Variants in DHX15 observed in about 807,000 individuals in gnomAD.
DHX15 encodes the protein DEAH-box helicase 15.
In DHX15, 11 loss-of-function variants were observed where a neutral mutation model predicts 94.4. That is an observed-to-expected ratio of 0.12 (90% CI 0.07 to 0.19). The LOEUF is 0.19. Among genes scored for constraint, DHX15 ranks in the 10% least tolerant of loss-of-function variants. The probability of loss-of-function intolerance (pLI) is 1.00; values close to 1 mark genes in which losing one functional copy is unlikely to be tolerated. For synonymous variants in DHX15, 338 were observed against 329.9 expected (o/e 1.02, Z -0.27); for missense variants, 304 against 988.5 (o/e 0.31, Z 9.29).
chr4:24,578,609 T>C (rs1215130122), intron 1 of DHX15, among the ~76,000 whole-genome samples: 2 of 152,128 alleles, frequency 1.3e-5, no homozygotes, highest in African/African-American at 4.8e-5. Context: ...TTACCCGGGT[T>C]GGAGTGCAGT....
intron 6 of DHX15, among the ~76,000 whole-genome samples, chr4:24,547,745 G>GT (rs1721455739): frequency 2.0e-5 from 3 of 149,928 alleles, no homozygotes; most frequent in South Asian, 2.1e-4. Context: ...GAACCCAGGA[G>GT]TTTAAGACCA....
chr4:24,528,907 A>C (rs1000173526), intron 13 of DHX15, among the ~76,000 whole-genome samples: 3 of 151,170 alleles, frequency 2.0e-5, no homozygotes, highest in Non-Finnish European at 4.4e-5. Flanking sequence ...AAAAAACAAA[A>C]CAAAACAAAA....
rs1577329321 is a variant in DHX15 at position 24,527,682 on chromosome 4, T to C, written c.*242A>G. 5 of 422,254 alleles carry C rather than the reference T, an allele frequency of 1.2e-5. No homozygotes were observed. In the East Asian group the frequency reaches 1.8e-4, roughly 15 times the overall value. The allele number at this position is 422,254 out of a possible 1,614,324, so 26.2% of individuals were successfully genotyped here. A position where few individuals can be genotyped will look rare whatever the true frequency, so the allele number is the denominator to read the frequency against. On this transcript the variant is annotated 3_prime_UTR_variant, in exon 14 of 14. Coordinates refer to ENST00000336812, the MANE Select transcript of DHX15 (RefSeq NM_001358.3). ...CTTATAACATTGTTATATATAGAACTACTTTCAATAAACTGCAAAACATTG... is the reference window on the plus strand; with the variant it reads ...CTTATAACATTGTTATATATAGAACCACTTTCAATAAACTGCAAAACATTG...
intron 6 of DHX15, among the ~76,000 whole-genome samples, chr4:24,547,482 G>A (rs1234245576): frequency 6.6e-6 from 1 of 152,086 alleles, no homozygotes; most frequent in Non-Finnish European, 1.5e-5. Context: ...TAGTAAATAT[G>A]GGCCCATATA....
Position 24,576,416 on chromosome 4 carries a change from G to A in DHX15, c.334C>T (p.Pro112Ser), listed in dbSNP as rs575114458. The A allele has an allele frequency of 1.9e-6, 3 of 1,614,190 alleles. No individual in the cohort carries two copies. In the South Asian group the frequency reaches 3.3e-5, roughly 18 times the overall value. Residue 112 changes from proline to serine, a missense_variant, in exon 2 of 14, where the codon CCA becomes TCA. This residue lies in a region of DHX15 where 143 missense variants were observed against 200.5 expected (regional missense o/e 0.71). Transcript: ENST00000336812. ...TTGGTGAACGGATTAATGCACTGTG[G>A]AAGTGACGTGTGACCTGCATGTCCG... ...HAGHAGHTSL[P>S]QCINPFTNLP...
At chr4:24,561,433 T>C (rs916075169) in intron 3 of DHX15, among the ~76,000 whole-genome samples, 2 of 152,194 alleles carry the variant, frequency 1.3e-5, no homozygotes, top group African/African-American at 4.8e-5. Context: ...GAATTACCAG[T>C]TGACCCAGCA....
At chr4:24,536,328 C>T (rs981131789) in intron 11 of DHX15, among the ~76,000 whole-genome samples, 3 of 152,052 alleles carry the variant, frequency 2.0e-5, no homozygotes, top group Middle Eastern at 3.2e-3. Context: ...ATTATTTAAT[C>T]AAATCAGTGT....
At chr4:24,532,304 AG>A (rs1340683364) in intron 12 of DHX15, among the ~76,000 whole-genome samples, 1 of 152,236 alleles carries the variant, frequency 6.6e-6, no homozygotes, top group Non-Finnish European at 1.5e-5. Context: ...GCAGTACGCA[AG>A]GGTCTTGGTC....
At chr4:24,569,241 A>G (rs979998295) in intron 3 of DHX15, among the ~76,000 whole-genome samples, 5 of 152,348 alleles carry the variant, frequency 3.3e-5, no homozygotes, top group African/African-American at 1.2e-4. Flanking sequence ...TGGATATGAA[A>G]TAAATAAGAC....
intron 6 of DHX15, among the ~76,000 whole-genome samples, chr4:24,544,768 C>T (rs547048682): frequency 2.4e-4 from 36 of 152,238 alleles, no homozygotes; most frequent in African/African-American, 7.9e-4. Context: ...GTCTACATAA[C>T]ACAGGGTTGT....
chr4:24,555,569 T>A (rs2109407593), intron 4 of DHX15, among the ~76,000 whole-genome samples: 1 of 152,310 alleles, frequency 6.6e-6, no homozygotes, highest in South Asian at 2.1e-4. Context: ...CTTGTTTGTT[T>A]GTTTGTTTCT....
chr4:24,550,109 A>AC (rs1721558015), intron 5 of DHX15, among the ~76,000 whole-genome samples: 2 of 146,870 alleles, frequency 1.4e-5, no homozygotes, highest in East Asian at 4.0e-4. Context: ...AAAAAAAAAA[A>AC]AAAAAAAAAA....
chr4:24,583,594 T>C (rs538629378), intron 1 of DHX15, among the ~76,000 whole-genome samples: 7 of 152,184 alleles, frequency 4.6e-5, no homozygotes, highest in Middle Eastern at 3.4e-3. Flanking sequence ...AGTTTGCTAG[T>C]ATCTACTTTG....
chr4:24,559,940 C>T (rs923745669), intron 3 of DHX15, among the ~76,000 whole-genome samples: 1 of 152,172 alleles, frequency 6.6e-6, no homozygotes, highest in African/African-American at 2.4e-5. Context: ...CTAAAGATGT[C>T]TAAAGTAGCA....
chr4:24,575,482 C>T (rs570229943), intron 2 of DHX15, among the ~76,000 whole-genome samples: 24 of 152,268 alleles, frequency 1.6e-4, no homozygotes, highest in Admixed American at 7.8e-4. Flanking sequence ...TTAAAAAGTA[C>T]ATTAGAATGC....
At chr4:24,578,571 CT>C (rs1224657923) in intron 1 of DHX15, among the ~76,000 whole-genome samples, 2 of 151,838 alleles carry the variant, frequency 1.3e-5, no homozygotes, top group East Asian at 1.9e-4. Flanking sequence ...AAACAACTTC[CT>C]TTTTTTTGAG....
At chr4:24,544,929 TA>T (rs1442311006) in intron 6 of DHX15, among the ~76,000 whole-genome samples, 3 of 151,688 alleles carry the variant, frequency 2.0e-5, no homozygotes, top group Admixed American at 6.6e-5. Flanking sequence ...GACAACATAG[TA>T]AAACCCCACC....
Position 24,581,795 on chromosome 4 carries a change from T to C in DHX15, c.71+2528A>G, listed in dbSNP as rs575741685. On this transcript the variant is annotated intron_variant, in intron 1 of 13. Coordinates refer to ENST00000336812, the MANE Select transcript of DHX15 (RefSeq NM_001358.3). Reference sequence around the variant, plus strand: ...CTTCAACAGTAAGTATGGAAAATTATTACTTTCGGTAATTGTATAGTGAAG... The same window carrying C: ...CTTCAACAGTAAGTATGGAAAATTACTACTTTCGGTAATTGTATAGTGAAG... Among the ~76,000 whole-genome samples, 11 of 152,330 alleles carry C rather than the reference T, an allele frequency of 7.2e-5. No individual in the cohort carries two copies. The East Asian group carries it at 1.9e-3, about 27-fold the overall frequency.
rs771994072 is a variant in DHX15, at chr4:24,554,786, A to G, written c.1019T>C (p.Ile340Thr). Residue 340 changes from isoleucine (I) to threonine (T), a missense_variant, in exon 5 of 14, where the codon ATC (isoleucine) becomes ACC (threonine). By Grantham distance (89) the Ile-to-Thr change is moderately conservative (BLOSUM62 -1). Coordinates refer to ENST00000336812, the MANE Select transcript of DHX15 (RefSeq NM_001358.3). The part of the protein sequence containing the change: ...DYLEAAIRTV[I>T]QIHMCEEEEG... ...TTCCTCTTCACACATATGAATCTGG[A>G]TAACTGTTCGAATTGCTGCTTCAAG... The G allele has an allele frequency of 1.9e-6, 3 of 1,613,842 alleles. No individual in the cohort carries two copies. Among genetic ancestry groups the G allele is most frequent in the Non-Finnish European group, 8.5e-7 (1 of 1,179,908 alleles).
Sources: allele counts gnomAD v4.1 joint callset (sites outside exome capture counted in the v4.1 genomes callset), GRCh38; gene constraint gnomAD v4.1.1; regional missense constraint gnomAD v4.1.1; transcripts MANE v1.5; gene names NCBI Gene and HGNC (gene_info 2026-07-23, HGNC 2026-07-21).